Variants in TRPC5 observed in about 807,000 individuals in gnomAD.
TRPC5 encodes short transient receptor potential channel 5.
A neutral mutation model predicts 56.5 loss-of-function variants in TRPC5; 9 were observed. The observed-to-expected ratio is 0.16, with a 90% CI of 0.10 to 0.28. The LOEUF is 0.28. TRPC5 is among the 10% of genes least tolerant of loss of function. The probability of loss-of-function intolerance (pLI) is 1.00; values close to 1 mark genes in which losing one functional copy is unlikely to be tolerated. For missense variants in TRPC5, 469 were observed against 748.9 expected (o/e 0.63, Z 4.36); for synonymous variants, 282 against 278.5 (o/e 1.01, Z -0.13).
intron 1 of TRPC5, among the ~76,000 whole-genome samples, chrX:112,054,696 C>T (rs1252304942): frequency 9.0e-6 from 1 of 111,126 alleles, no homozygotes; most frequent in African/African-American, 3.3e-5. Context: ...CAAAAGTCTA[C>T]CTGTCTTTAA....
At chrX:111,978,179 A>G (rs1417397843) in intron 1 of TRPC5, among the ~76,000 whole-genome samples, 2 of 112,124 alleles carry the variant, frequency 1.8e-5, no homozygotes, top group Non-Finnish European at 1.9e-5. Context: ...TGTTCATTGC[A>G]GCATTATTCA....
intron 1 of TRPC5, among the ~76,000 whole-genome samples, chrX:112,002,063 T>C (rs747002500): frequency 9.0e-6 from 1 of 111,311 alleles, no homozygotes; most frequent in East Asian, 2.8e-4. Flanking sequence ...GCTTCTGTCC[T>C]TTATACCCTG....
chrX:112,029,279 A>G (rs1929518663), intron 1 of TRPC5, among the ~76,000 whole-genome samples: 1 of 112,215 alleles, frequency 8.9e-6, no homozygotes, highest in South Asian at 3.7e-4. Context: ...TTCAATTAAC[A>G]TAATGATCTC....
chrX:111,850,474 G>A (rs1923054139), intron 5 of TRPC5, among the ~76,000 whole-genome samples: 1 of 112,117 alleles, frequency 8.9e-6, no homozygotes, highest in African/African-American at 3.2e-5. Flanking sequence ...TTATGGCTTT[G>A]TGTCATAGAA....
chrX:111,835,673 A>G (rs1285254240), intron 6 of TRPC5, among the ~76,000 whole-genome samples: 1 of 111,703 alleles, frequency 9.0e-6, no homozygotes, highest in Non-Finnish European at 1.9e-5. Context: ...CTGTAGTCCC[A>G]GCTACTCGGG....
At chrX:111,967,653 C>G (rs1319676308) in intron 1 of TRPC5, among the ~76,000 whole-genome samples, 2 of 111,323 alleles carry the variant, frequency 1.8e-5, no homozygotes, top group Non-Finnish European at 1.9e-5. Context: ...GAACAGAGCC[C>G]TCAGAAATAA....
Position 111,964,032 on chromosome X carries a change from C to G in TRPC5, c.-21-11591G>C, listed in dbSNP as rs1054994422. 3.6e-5 allele frequency among the ~76,000 whole-genome samples: 4 copies of G among 111,361 alleles called. No individual in the cohort carries two copies. The Admixed American group carries it at 3.8e-4, about 11-fold the overall frequency. On this transcript the variant is annotated intron_variant, in intron 1 of 10. Transcript: ENST00000262839. ...CAGACGATCAAACTACTCCGAGCTA[C>G]AGGAGGAAATTCAAACCAATAGCAA...
At chrX:111,901,618 A>G (rs779533620) in intron 3 of TRPC5, 1 of 293,763 alleles carries the variant, frequency 3.4e-6, no homozygotes, top group African/African-American at 2.7e-5. Context: ...TAGTACAAAC[A>G]AGAGTACCAT....
chrX:111,903,880 GTTATTATC>G (rs1925485731), intron 3 of TRPC5: 1 of 112,305 alleles, frequency 8.9e-6, no homozygotes, highest in South Asian at 3.7e-4. Flanking sequence ...ATTACTGCTA[GTTATTATC>G]TTATGATTGT....
At chrX:111,804,575 G>A (rs1434163231) in intron 7 of TRPC5, among the ~76,000 whole-genome samples, 1 of 111,326 alleles carries the variant, frequency 9.0e-6, no homozygotes, top group African/African-American at 3.3e-5. Context: ...CACGTCCCTT[G>A]TACGTAGGAT....
intron 1 of TRPC5, among the ~76,000 whole-genome samples, chrX:112,066,142 T>G (rs1315966033): frequency 9.3e-6 from 1 of 107,396 alleles, no homozygotes; most frequent in Admixed American, 1.0e-4. Context: ...GTTACATCCC[T>G]TCTGTACAGC....
intron 2 of TRPC5, among the ~76,000 whole-genome samples, chrX:111,918,886 G>A (rs1237722578): frequency 9.0e-6 from 1 of 111,230 alleles, no homozygotes; most frequent in Non-Finnish European, 1.9e-5. Flanking sequence ...GGTCAGTGGA[G>A]TGGGGAGGTC....
intron 7 of TRPC5, among the ~76,000 whole-genome samples, chrX:111,786,958 A>G (rs1945971656): frequency 9.0e-6 from 1 of 111,280 alleles, no homozygotes; most frequent in South Asian, 3.8e-4. Flanking sequence ...CTCCCACACA[A>G]TAATAATGGG....
intron 1 of TRPC5, among the ~76,000 whole-genome samples, chrX:112,019,798 G>C (rs752938825): frequency 9.0e-6 from 1 of 111,297 alleles, no homozygotes; most frequent in East Asian, 2.8e-4. Context: ...TTCTGGTAGT[G>C]ATCATTGGCA....
chrX:111,823,472 G>A (rs1167286287), intron 7 of TRPC5, among the ~76,000 whole-genome samples: 1 of 111,829 alleles, frequency 8.9e-6, no homozygotes, highest in African/African-American at 3.2e-5. Context: ...CTCAAGGCAG[G>A]ATGTGTTCAT....
At chrX:112,058,906 A>G (rs1930399732) in intron 1 of TRPC5, among the ~76,000 whole-genome samples, 1 of 111,514 alleles carries the variant, frequency 9.0e-6, no homozygotes, top group Non-Finnish European at 1.9e-5. Context: ...AGATGAAGGA[A>G]CTAAGTACAG....
intron 7 of TRPC5, among the ~76,000 whole-genome samples, chrX:111,824,300 C>A (rs912420206): frequency 9.1e-6 from 1 of 109,522 alleles, no homozygotes; most frequent in African/African-American, 3.3e-5. Flanking sequence ...AGTTTCCTTA[C>A]CCATAGAATG....
At chrX:111,788,315 C>T (rs1239954663) in intron 7 of TRPC5, among the ~76,000 whole-genome samples, 1 of 111,815 alleles carries the variant, frequency 8.9e-6, no homozygotes, top group South Asian at 3.7e-4. Flanking sequence ...ACAAAAACCA[C>T]ATGATTATCT....
intron 3 of TRPC5, among the ~76,000 whole-genome samples, chrX:111,900,052 A>C (rs1437698280): frequency 1.8e-5 from 2 of 111,519 alleles, no homozygotes; most frequent in Non-Finnish European, 1.9e-5. Context: ...AAGTGGAGAT[A>C]CTATACAACT....
Sources: allele counts gnomAD v4.1 joint callset (sites outside exome capture counted in the v4.1 genomes callset), GRCh38; gene constraint gnomAD v4.1.1; transcripts MANE v1.5; gene names NCBI Gene and HGNC (gene_info 2026-07-23, HGNC 2026-07-21).